ALMS1: variants seen among roughly 807,000 people sequenced by gnomAD.
ALMS1 encodes ALMS1 centrosome and basal body associated protein.
ALMS1 carries 271 observed loss-of-function variants against 352.2 expected under a neutral mutation model. The ratio of observed to expected loss-of-function variants is 0.77; its 90% CI spans 0.70 to 0.85. ALMS1 has a LOEUF of 0.85. Ranked by LOEUF, ALMS1 falls within the 40% of genes least tolerant of loss-of-function variation. The pLI is 0.00. For missense variants in ALMS1, 5,445 were observed against 4,870.7 expected, an observed-to-expected ratio of 1.12 and a Z score of -3.51; for synonymous variants, 1,865 against 1,761.2, an observed-to-expected ratio of 1.06 and a Z score of -1.48.
chr2:73,580,841 G>T (rs993882414), intron 16 of ALMS1, among the ~76,000 whole-genome samples: 1 of 152,194 alleles, frequency 6.6e-6, no homozygotes, highest in Non-Finnish European at 1.5e-5. Context: ...TAGCTTAGTA[G>T]CTGGCTACTT....
chr2:73,430,941 A>G (rs1360645705), intron 6 of ALMS1, among the ~76,000 whole-genome samples: 4 of 152,110 alleles, frequency 2.6e-5, no homozygotes, highest in Non-Finnish European at 5.9e-5. Flanking sequence ...GTATATATAT[A>G]GCCTGTACTT....
At chr2:73,567,722 A>G (rs1674832122) in intron 15 of ALMS1, among the ~76,000 whole-genome samples, 1 of 152,184 alleles carries the variant, frequency 6.6e-6, no homozygotes, top group Non-Finnish European at 1.5e-5. Context: ...TTGTAGCCCT[A>G]CTTTACTCCT....
At chr2:73,563,847 G>A (rs1403931650) in intron 15 of ALMS1, among the ~76,000 whole-genome samples, 6 of 151,776 alleles carry the variant, frequency 4.0e-5, no homozygotes, top group Non-Finnish European at 4.4e-5. Flanking sequence ...TTTGCTTGTA[G>A]GGAGAAAAAA....
intron 1 of ALMS1, among the ~76,000 whole-genome samples, chr2:73,395,483 A>G (rs1670742522): frequency 6.6e-6 from 1 of 152,068 alleles, no homozygotes; most frequent in Non-Finnish European, 1.5e-5. Context: ...AAATTTCAAT[A>G]ATGTTTTATA....
intron 10 of ALMS1, among the ~76,000 whole-genome samples, chr2:73,517,245 T>C (rs1176182575): frequency 3.0e-5 from 4 of 132,148 alleles, no homozygotes; most frequent in Non-Finnish European, 6.2e-5. Context: ...AAAGTTTTAG[T>C]CTTTTTTTTT....
chr2:73,505,217 A>G (rs1673296518), intron 10 of ALMS1, among the ~76,000 whole-genome samples: 1 of 152,334 alleles, frequency 6.6e-6, no homozygotes, highest in African/African-American at 2.4e-5. Flanking sequence ...AGAATGATTT[A>G]TAATCGTTGG....
chr2:73,579,018 A>AACAAAAGG (rs1359057212), intron 16 of ALMS1, among the ~76,000 whole-genome samples: 21 of 144,410 alleles, frequency 1.5e-4, no homozygotes, highest in African/African-American at 5.6e-4. Context: ...CTTGTAACAA[A>AACAAAAGG]TTTACTTTTG....
At chr2:73,483,943 C>T (rs1475863909) in intron 9 of ALMS1, among the ~76,000 whole-genome samples, 5 of 149,262 alleles carry the variant, frequency 3.3e-5, no homozygotes, top group Admixed American at 1.3e-4. Context: ...TTCCTCCATC[C>T]TTTTATTTTG....
intron 12 of ALMS1, among the ~76,000 whole-genome samples, chr2:73,541,662 G>A (rs190815767): frequency 5.7e-4 from 87 of 152,000 alleles, no homozygotes; most frequent in Admixed American, 3.3e-3. Flanking sequence ...TCAAATAGAC[G>A]CAATAAAAAA....
At chr2:73,545,179 TGG>T (rs1491167171) in intron 12 of ALMS1, among the ~76,000 whole-genome samples, 2 of 145,470 alleles carry the variant, frequency 1.4e-5, no homozygotes, top group African/African-American at 2.6e-5. Context: ...TAATTTTTTG[TGG>T]TTTTTTTTTT....
intron 12 of ALMS1, among the ~76,000 whole-genome samples, chr2:73,543,866 T>C (rs905408928): frequency 1.3e-5 from 2 of 151,980 alleles, no homozygotes; most frequent in South Asian, 2.1e-4. Flanking sequence ...CAGGAAACAA[T>C]AGGTGCTGGA....
chr2:73,474,501 G>T (rs1284590371), intron 9 of ALMS1, among the ~76,000 whole-genome samples: 1 of 151,734 alleles, frequency 6.6e-6, no homozygotes, highest in Admixed American at 6.6e-5. Flanking sequence ...TTGTGACAGG[G>T]TCTTGCTCAG....
In ALMS1 at chr2:73,432,224, T is replaced by G; in HGVS notation, c.1365T>G (p.Ser455=). 1 of 1,613,528 alleles carries G rather than the reference T, an allele frequency of 6.2e-7. No individual in the cohort carries two copies. Among genetic ancestry groups the G allele is most frequent in the African/African-American group, 1.3e-5 (1 of 75,034 alleles). Residue 455 remains serine (S), a synonymous_variant, in exon 7 of 23, where the codon TCT becomes TCG. Coordinates refer to ENST00000613296, the MANE Select transcript of ALMS1 (RefSeq NM_001378454.1). ...CAACAAGAGAGTCGGAATATCACTC[T>G]TCAGATCTCAGAATGTTGAGGATGT... ...RKPTRESEYH[S]SDLRMLRMSP...
chr2:73,397,306 A>G (rs963106186), intron 1 of ALMS1, among the ~76,000 whole-genome samples: 6 of 151,762 alleles, frequency 4.0e-5, no homozygotes, highest in Admixed American at 1.3e-4. Flanking sequence ...TACCTCTCCA[A>G]TTTTTGGAAC....
Position 73,490,001 on chromosome 2 carries a change from C to G in ALMS1, c.8042C>G (p.Ser2681Ter). The G allele has an allele frequency of 1.2e-6, 2 of 1,614,230 alleles. No homozygotes were observed. The highest frequency in any genetic ancestry group is 1.7e-6 in the Non-Finnish European group (2 of 1,180,052). Reference sequence around the variant, plus strand: ...GATGAAAAGATGGACCCTTGGCTGTCAGAATTAGTAGAACCTGCTTTTGTG... The same window carrying G: ...GATGAAAAGATGGACCCTTGGCTGTGAGAATTAGTAGAACCTGCTTTTGTG... Reference protein sequence around the residue: ...PFDEKMDPWLSELVEPAFVPP... With the variant: ...PFDEKMDPWL Residue 2681 changes from serine (S) to a stop codon, truncating the protein, a stop_gained, in exon 10 of 23, where the codon TCA becomes TGA. Coordinates refer to ENST00000613296, the MANE Select transcript of ALMS1 (RefSeq NM_001378454.1). LOFTEE classifies it high-confidence loss of function.
chr2:73,554,397 T>C (rs1337186228), intron 13 of ALMS1, among the ~76,000 whole-genome samples: 1 of 151,878 alleles, frequency 6.6e-6, no homozygotes, highest in Admixed American at 6.6e-5. Flanking sequence ...TTCAGAAATG[T>C]GAAAGACCAG....
intron 13 of ALMS1, among the ~76,000 whole-genome samples, chr2:73,556,848 G>A (rs985294092): frequency 3.3e-5 from 5 of 151,904 alleles, no homozygotes; most frequent in Admixed American, 6.6e-5. Flanking sequence ...GACTACAGGC[G>A]TGCACCACGA....
At chr2:73,576,716 G>T (rs1675061828) in intron 16 of ALMS1, among the ~76,000 whole-genome samples, 1 of 151,642 alleles carries the variant, frequency 6.6e-6, no homozygotes, top group African/African-American at 2.4e-5. Context: ...TGCCTCCTGG[G>T]TTCAACCAAT....
chr2:73,472,440 A>G (rs951793798), intron 9 of ALMS1, among the ~76,000 whole-genome samples: 1 of 152,112 alleles, frequency 6.6e-6, no homozygotes, highest in African/African-American at 2.4e-5. Context: ...GAAATTTGCA[A>G]TCAGCATAAT....
Sources: allele counts gnomAD v4.1 joint callset (sites outside exome capture counted in the v4.1 genomes callset), GRCh38; gene constraint gnomAD v4.1.1; transcripts MANE v1.5; gene names NCBI Gene and HGNC (gene_info 2026-07-23, HGNC 2026-07-21).